F5: variants seen among roughly 807,000 people sequenced by gnomAD.
The protein encoded by F5 is coagulation factor V, also known as activated protein c cofactor.
F5 carries 138 observed loss-of-function variants against 216.4 expected under a neutral mutation model. The observed-to-expected ratio is 0.64, with a 90% CI of 0.56 to 0.73. The LOEUF (loss-of-function observed/expected upper bound fraction) is 0.73, where lower values mean the gene tolerates loss of function less well. Among genes scored for constraint, F5 ranks in the 30% least tolerant of loss-of-function variants. F5 has a pLI of 0.00. For synonymous variants in F5, 916 were observed against 930.7 expected, an observed-to-expected ratio of 0.98 and a Z score of 0.29; for missense variants, 2,403 against 2,674.0, an observed-to-expected ratio of 0.90 and a Z score of 2.24.
rs148988474 is a variant in F5 at position 169,512,388 on chromosome 1, C to G, written c.*1925G>C. On this transcript the variant is annotated 3_prime_UTR_variant, in exon 25 of 25. Transcript: ENST00000367797. ...ATTCTAGATCAAGAGAGATCCTGCC[C>G]AATTTCAGAGTAGAGAAGCCCAGGA... Among the ~76,000 whole-genome samples, 390 of 152,126 alleles carry G rather than the reference C, an allele frequency of 2.6e-3. 2 individuals carry two copies. The highest frequency in any genetic ancestry group is 8.5e-3 in the African/African-American group (353 of 41,528).
chr1:169,559,016 A>AAAT, intron 5 of F5, 137 bp downstream of exon 5: 2 of 922,596 alleles, frequency 2.2e-6, no homozygotes, highest in Non-Finnish European at 3.4e-6. Context: ...AAAAAAAAAA[A>AAAT]GAGAAAATAT....
Position 169,542,348 on chromosome 1 carries a change from G to T in F5, c.2742C>A (p.Asp914Glu). The part of the protein sequence containing the change: ...MRPWEDLPSQ[D>E]TGSPSRMRPW... ...GCCTCATTCTGGAAGGAGAACCAGT[G>T]TCTTGGCTAGGAAGGTCCTCCCAGG... The change falls in exon 13 of 25, where the codon GAC becomes GAA. Residue 914 changes from aspartate to glutamate, a missense_variant. Asp to Glu is a conservative substitution (Grantham distance 45). This residue lies in a region of F5 where 1,425 missense variants were observed against 1,554.8 expected (regional missense o/e 0.92). Transcript: ENST00000367797. The T allele has an allele frequency of 1.2e-6, 2 of 1,600,726 alleles. No homozygotes were observed. Among genetic ancestry groups the T allele is most frequent in the South Asian group, 1.1e-5 (1 of 90,008 alleles).
At position 169,582,516 on chromosome 1, in the gene F5, A is replaced by G. The variant is rs781434840; in HGVS notation, c.165T>C (p.Asn55=). Residue 55 remains asparagine (N), a synonymous_variant, in exon 2 of 25, where the codon AAT becomes AAC. Coordinates refer to ENST00000367797, the MANE Select transcript of F5 (RefSeq NM_000130.5). ...YRPEPTNSSL[N]LSVTSFKKIV... Reference sequence around the variant, plus strand: ...TTTTCTTAAAGGAAGTTACAGAAAGATTCAAACTGGAAATAAAATACAAAA... The same window carrying G: ...TTTTCTTAAAGGAAGTTACAGAAAGGTTCAAACTGGAAATAAAATACAAAA... The G allele has an allele frequency of 4.0e-5, 60 of 1,518,362 alleles. No homozygotes were observed. The highest frequency in any genetic ancestry group is 5.1e-5 in the Non-Finnish European group (56 of 1,098,114). 94.1% of individuals were successfully genotyped at this position (1,518,362 alleles called of 1,614,324 possible). A position where few individuals can be genotyped will look rare whatever the true frequency, so the allele number is the denominator to read the frequency against.
chr1:169,550,464 C>A (rs1021736715), intron 9 of F5, among the ~76,000 whole-genome samples, 176 bp downstream of exon 9: 5 of 152,008 alleles, frequency 3.3e-5, no homozygotes, highest in Admixed American at 1.3e-4. Flanking sequence ...TATTTTGTTA[C>A]CACTAAGAGA....
intron 10 of F5, among the ~76,000 whole-genome samples, chr1:169,547,722 A>G (rs1226122761): frequency 3.3e-5 from 5 of 152,070 alleles, no homozygotes; most frequent in Non-Finnish European, 4.4e-5. Flanking sequence ...AGAAAAAGGA[A>G]CACTTATACA....
chr1:169,566,555 C>T (rs1023694884), intron 3 of F5, among the ~76,000 whole-genome samples: 57 of 151,736 alleles, frequency 3.8e-4, no homozygotes, highest in South Asian at 4.2e-4. Context: ...ATATGGTTAA[C>T]GATACTTTTT....
At chr1:169,550,785 G>A (rs1660150177) in intron 8 of F5, 46 bp from the exon 9 acceptor site, 7 of 1,382,044 alleles carry the variant, frequency 5.1e-6, no homozygotes, top group Non-Finnish European at 7.2e-6. Flanking sequence ...GGTTGATCAT[G>A]ACAAATAATA....
In F5 at chr1:169,542,267, C is replaced by T; in HGVS notation, c.2823G>A (p.Lys941=). The change falls in exon 13 of 25, where the codon AAG becomes AAA. Residue 941 remains lysine, a synonymous_variant. Transcript: ENST00000367797. ...CCAAATGCCATCTCCCAACCAAAAT[C>T]TTAGATGAGTTACTTTGTTTTAAGA... ...LLLLKQSNSS[K]ILVGRWHLAS... 1 of 1,614,098 alleles carries T rather than the reference C, an allele frequency of 6.2e-7. No homozygotes were observed. Among genetic ancestry groups the T allele is most frequent in the Non-Finnish European group, 8.5e-7 (1 of 1,179,994 alleles).
intron 8 of F5, 30 bp from the exon 9 acceptor site, chr1:169,550,769 A>T (rs1201862780): frequency 6.6e-7 from 1 of 1,505,118 alleles, no homozygotes; most frequent in South Asian, 1.1e-5. Flanking sequence ...TTATTCTAGG[A>T]TTTAAGGTTG....
intron 7 of F5, among the ~76,000 whole-genome samples, chr1:169,554,148 G>T (rs199657749): frequency 1.1e-5 from 1 of 90,516 alleles, no homozygotes; most frequent in African/African-American, 3.5e-5. Context: ...TTTCTCTGAT[G>T]ACTCTCAAAA....
chr1:169,550,876 T>A, intron 8 of F5, 137 bp from the exon 9 acceptor site: 4 of 681,604 alleles, frequency 5.9e-6, no homozygotes, highest in Non-Finnish European at 1.1e-5. Flanking sequence ...ATTAGATCTG[T>A]TTATCTGAGC....
At chr1:169,579,014 C>T (rs990757932) in intron 2 of F5, among the ~76,000 whole-genome samples, 3 of 152,016 alleles carry the variant, frequency 2.0e-5, no homozygotes, top group Admixed American at 2.0e-4. Flanking sequence ...TTATAAAATT[C>T]TCAAATGTCC....
Position 169,580,295 on chromosome 1 carries a change from C to A in F5, c.250+2136G>T, listed in dbSNP as rs2101845447. Among the ~76,000 whole-genome samples, 3 of 152,252 alleles carry A rather than the reference C, an allele frequency of 2.0e-5. No homozygotes were observed. The South Asian group carries it at 6.2e-4, about 32-fold the overall frequency. ...TAGGTTATCCCCAATAGCTGATTGG[C>A]TCCTGGAAATCAAGGTCCATGTCTT... On this transcript the variant is annotated intron_variant, in intron 2 of 24. Transcript: ENST00000367797.
Position 169,559,133 on chromosome 1 carries a change from G to C in F5, c.730+20C>G. 6.2e-7 allele frequency: 1 copy of C among 1,613,270 alleles called. No individual in the cohort carries two copies. Among genetic ancestry groups the C allele is most frequent in the Non-Finnish European group, 8.5e-7 (1 of 1,179,550 alleles). The stretch of plus-strand genomic sequence containing the variant: ...CTAATGATTTTACTGTTGTTTAATG[G>C]TACACAGCCCTCGTGTTACCTGGCA... On this transcript the variant is annotated intron_variant, in intron 5 of 24. Transcript: ENST00000367797.
intron 18 of F5, 104 bp downstream of exon 18, chr1:169,525,797 A>AT: frequency 1.2e-6 from 1 of 862,598 alleles, no homozygotes; most frequent in Non-Finnish European, 2.0e-6. Flanking sequence ...TGCCTTTGTC[A>AT]CATCAGAGTT....
intron 3 of F5, among the ~76,000 whole-genome samples, chr1:169,562,526 G>T (rs1195140487): frequency 6.6e-6 from 1 of 151,646 alleles, no homozygotes; most frequent in African/African-American, 2.4e-5. Flanking sequence ...TTTTCTATTT[G>T]TCTATCTGGT....
At chr1:169,567,631 A>C (rs1660636405) in intron 3 of F5, among the ~76,000 whole-genome samples, 1 of 151,958 alleles carries the variant, frequency 6.6e-6, no homozygotes, top group Non-Finnish European at 1.5e-5. Flanking sequence ...AGGGAAAAAT[A>C]ATGCATAGTC....
chr1:169,522,048 C>G (rs1432896967), intron 21 of F5, among the ~76,000 whole-genome samples: 1 of 152,044 alleles, frequency 6.6e-6, no homozygotes, highest in Non-Finnish European at 1.5e-5. Context: ...AGGGAATATA[C>G]AAACAACTCT....
intron 3 of F5, among the ~76,000 whole-genome samples, chr1:169,568,580 G>A (rs926079472): frequency 3.3e-5 from 5 of 152,138 alleles, no homozygotes; most frequent in Non-Finnish European, 5.9e-5. Flanking sequence ...GAAGAGAAAT[G>A]GACAGGGACA....
Sources: allele counts gnomAD v4.1 joint callset (sites outside exome capture counted in the v4.1 genomes callset), GRCh38; gene constraint gnomAD v4.1.1; regional missense constraint gnomAD v4.1.1; transcripts MANE v1.5; gene names NCBI Gene and HGNC (gene_info 2026-07-23, HGNC 2026-07-21).